Variants in BID observed in about 807,000 individuals in gnomAD.
The protein encoded by BID is BH3 interacting domain death agonist, also known as BH3-interacting domain death agonist.
In BID, 19 loss-of-function variants were observed where a neutral mutation model predicts 17.4. The observed-to-expected ratio is 1.09, with a 90% CI of 0.76 to 1.60. BID has a LOEUF of 1.60. Ranked by LOEUF, BID falls within the 40% of genes most tolerant of loss-of-function variation. BID has a pLI of 0.00. For missense variants in BID, 226 were observed against 256.0 expected (o/e 0.88, Z 0.80); for synonymous variants, 108 against 102.8 (o/e 1.05, Z -0.31).
intron 1 of BID, among the ~76,000 whole-genome samples, chr22:17,758,338 C>A (rs1383434791): frequency 6.6e-6 from 1 of 152,180 alleles, no homozygotes; most frequent in Admixed American, 6.5e-5. Flanking sequence ...CAGGGAAGGC[C>A]CTGGCCGCAC....
intron 1 of BID, among the ~76,000 whole-genome samples, chr22:17,751,239 G>T (rs1311077027): frequency 1.3e-5 from 2 of 151,784 alleles, no homozygotes; most frequent in Admixed American, 6.6e-5. Context: ...GGGCGCGGTG[G>T]CGGGCGCCTG....
intron 1 of BID, among the ~76,000 whole-genome samples, chr22:17,758,426 C>A (rs1157183659): frequency 6.6e-6 from 1 of 152,220 alleles, no homozygotes. Context: ...CCTAGAACTA[C>A]CATTTGACCT....
At position 17,773,222 on chromosome 22, in the gene BID, C is replaced by T. The variant is rs738095; in HGVS notation, c.-59+1159G>A. Among the ~76,000 whole-genome samples the T allele has an allele frequency of 0.14, 20,715 of 152,080 alleles. 2,045 individuals are homozygous for T. Among genetic ancestry groups the T allele is most frequent in the East Asian group, 0.44 (2,284 of 5,146 alleles). On this transcript the variant is annotated intron_variant, in intron 1 of 5. Transcript: ENST00000622694. This position sits in a 1 kb window ranked among gnomAD's most constrained non-coding sequence, Gnocchi z 4.4. ...GGGTCGTCCTCCCGGCAGTGCCTCC[C>T]TGGAGCTCTGTCTACCTCAACTCCT... is the stretch of plus-strand genomic sequence containing the variant.
chr22:17,741,756 G>A (rs8190325), intron 3 of BID, among the ~76,000 whole-genome samples: 7,091 of 152,146 alleles, frequency 0.047, 578 homozygotes, highest in African/African-American at 0.16. Context: ...GATTACAGGC[G>A]TGAACCACTG....
intron 2 of BID, among the ~76,000 whole-genome samples, chr22:17,749,120 G>A (rs564014262): frequency 1.3e-5 from 2 of 152,342 alleles, no homozygotes; most frequent in South Asian, 4.1e-4. Context: ...ATTAGACTTC[G>A]CAGATGCCTT....
intron 4 of BID, among the ~76,000 whole-genome samples, chr22:17,738,735 A>G (rs1601834779): frequency 6.6e-6 from 1 of 152,168 alleles, no homozygotes; most frequent in African/African-American, 2.4e-5. Context: ...GGCTGGCCCC[A>G]CTGAACAGAA....
At chr22:17,756,410 C>CTT (rs1555906045) in intron 1 of BID, among the ~76,000 whole-genome samples, 3 of 40,492 alleles carry the variant, frequency 7.4e-5, no homozygotes, top group Admixed American at 3.4e-4. Context: ...TTTCTTTTTT[C>CTT]TCTTTCTTTC....
rs1265540828 is a variant in BID, at chr22:17,738,092, G to A, written c.501C>T (p.Leu167=). The A allele has an allele frequency of 1.2e-6, 2 of 1,614,050 alleles. No homozygotes were observed. Among genetic ancestry groups the A allele is most frequent in the East Asian group, 2.2e-5 (1 of 44,894 alleles). ...TCACTGTTGTGTGAAAGACATCACG[G>A]AGCAAGGACGGCGTGTGACTGGCCA... ...KKVASHTPSL[L]RDVFHTTVNF... The change falls in exon 5 of 6, where the codon CTC becomes CTT. Residue 167 remains leucine (L), a synonymous_variant. Coordinates refer to ENST00000622694, the MANE Select transcript of BID (RefSeq NM_001196.4).
At position 17,739,507 on chromosome 22, in the gene BID, GGC is replaced by G; in HGVS notation, c.224-21_224-20del. ...TCAGAATCTGTGTTCAGGCAGGGGC[GGC>G]AGAGACAGAGCAGACTCAGAAAATG... On this transcript the variant is annotated intron_variant, in intron 3 of 5. Coordinates refer to ENST00000622694, the MANE Select transcript of BID (RefSeq NM_001196.4). 1 of 1,604,910 alleles carries G rather than the reference GGC, an allele frequency of 6.2e-7. No individual in the cohort carries two copies. The highest frequency in any genetic ancestry group is 2.2e-5 in the East Asian group (1 of 44,796).
intron 1 of BID, among the ~76,000 whole-genome samples, chr22:17,767,912 C>T (rs1051783792): frequency 2.0e-5 from 3 of 152,026 alleles, no homozygotes; most frequent in Non-Finnish European, 2.9e-5. Context: ...ACAGTGAGAC[C>T]CTGTCTCTAC....
rs8190279 is a variant in BID at position 17,772,520 on chromosome 22, G to A, written c.-59+1861C>T. Among the ~76,000 whole-genome samples, 569 of 152,318 alleles carry A rather than the reference G, an allele frequency of 3.7e-3. 7 individuals are homozygous for A. Among genetic ancestry groups the A allele is most frequent in the African/African-American group, 0.013 (540 of 41,560 alleles). On this transcript the variant is annotated intron_variant, in intron 1 of 5. Transcript: ENST00000622694. ...AGCGCTCCGGGTCCCCTGAAAAAAC[G>A]GGCACAGTCCTCGGTCACGTCGAGG...
chr22:17,770,568 A>T (rs1305420367), intron 1 of BID, among the ~76,000 whole-genome samples: 1 of 152,220 alleles, frequency 6.6e-6, no homozygotes, highest in African/African-American at 2.4e-5. Context: ...ACACAAATTA[A>T]ACCAAACCCA....
intron 3 of BID, chr22:17,740,574 C>T (rs941727779): frequency 6.4e-5 from 11 of 173,112 alleles, no homozygotes; most frequent in South Asian, 2.3e-4. Context: ...GGATTACAGG[C>T]GCCCGCCACC....
chr22:17,743,814 C>T lies in BID; in HGVS notation c.212G>A (p.Arg71Lys). ...GNRSSHSRLG[R>K]IEADSESQED... ...GGCCGGCCGCCTACCTGCCTCTATT[C>T]TTCCCAAGCGGGAGTGGCTGCTGCG... is the stretch of plus-strand genomic sequence containing the variant. Residue 71 changes from arginine (R) to lysine (K), a missense_variant, in exon 3 of 6, where the codon AGA becomes AAA. Transcript: ENST00000622694. The T allele has an allele frequency of 6.2e-7, 1 of 1,612,338 alleles. No homozygotes were observed. Among genetic ancestry groups the T allele is most frequent in the Non-Finnish European group, 8.5e-7 (1 of 1,179,436 alleles).
intron 3 of BID, chr22:17,740,618 C>A: frequency 5.7e-6 from 1 of 174,706 alleles, no homozygotes; most frequent in South Asian, 1.2e-4. Context: ...TAAGTAGAGA[C>A]GGGTTTCACC....
chr22:17,754,908 G>T (rs1387801660), intron 1 of BID, among the ~76,000 whole-genome samples: 1 of 151,760 alleles, frequency 6.6e-6, no homozygotes, highest in Admixed American at 6.6e-5. Context: ...GGGACTACAG[G>T]TGTGTGCCAC....
Position 17,773,953 on chromosome 22 carries a change from T to A in BID, c.-59+428A>T. The A allele has an allele frequency of 1.9e-6, 1 of 537,354 alleles. No homozygotes were observed. The allele number at this position is 537,354 out of a possible 1,614,324, so 33.3% of individuals were successfully genotyped here. ...CTGCGGTGCTGGAAAGACCACGGTGTGGGCGGGGATTCCGATCCGCCGGCA... is the reference window on the plus strand; with the variant it reads ...CTGCGGTGCTGGAAAGACCACGGTGAGGGCGGGGATTCCGATCCGCCGGCA... On this transcript the variant is annotated intron_variant, in intron 1 of 5. Transcript: ENST00000622694. The surrounding 1 kb of genome is among the most constrained non-coding windows in gnomAD (Gnocchi z 4.4).
At chr22:17,748,745 G>C (rs2061514643) in intron 2 of BID, among the ~76,000 whole-genome samples, 1 of 152,150 alleles carries the variant, frequency 6.6e-6, no homozygotes, top group Non-Finnish European at 1.5e-5. Flanking sequence ...GCGGGCGGGA[G>C]GGCAGGCGCC....
In BID at chr22:17,773,464, G is replaced by T; in HGVS notation, c.-59+917C>A. 1 of 789,098 alleles carries T rather than the reference G, an allele frequency of 1.3e-6. No homozygotes were observed. Among genetic ancestry groups the T allele is most frequent in the Non-Finnish European group, 2.1e-6 (1 of 473,844 alleles). The allele number at this position is 789,098 out of a possible 1,614,324, so 48.9% of individuals were successfully genotyped here. On this transcript the variant is annotated intron_variant, in intron 1 of 5. Transcript: ENST00000622694. This position sits in a 1 kb window ranked among gnomAD's most constrained non-coding sequence, Gnocchi z 4.4. ...CCCCACAGTGAGAGCGAGGACTGAG[G>T]GTGTGGATAAGGCTCCAGGAAGGGG...
Sources: gnomAD v4.1 joint callset for allele counts (sites outside exome capture counted in the v4.1 genomes callset) on GRCh38, gnomAD v4.1.1 for gene constraint, Gnocchi (gnomAD v3.1) non-coding constraint, MANE v1.5 for transcripts, NCBI Gene and HGNC (gene_info 2026-07-23, HGNC 2026-07-21) for gene names.